The following USP37 variants were observed in gnomAD, a reference collection of about 807,000 sequenced individuals.
USP37 encodes ubiquitin carboxyl-terminal hydrolase 37.
A neutral mutation model predicts 124.0 loss-of-function variants in USP37; 27 were observed. The observed-to-expected ratio is 0.22, with a 90% CI of 0.16 to 0.30. The LOEUF is 0.30. USP37 is among the 10% of genes least tolerant of loss of function. The pLI is 1.00. For missense variants in USP37, 889 were observed against 1,140.4 expected, an observed-to-expected ratio of 0.78 and a Z score of 3.17; for synonymous variants, 365 against 388.0, an observed-to-expected ratio of 0.94 and a Z score of 0.70.
intron 10 of USP37, among the ~76,000 whole-genome samples, chr2:218,510,535 CTAGTT>C (rs1689921545): frequency 6.6e-6 from 1 of 152,160 alleles, no homozygotes; most frequent in Non-Finnish European, 1.5e-5. Context: ...AGAAATTCCT[CTAGTT>C]TATATGCATA....
intron 15 of USP37, among the ~76,000 whole-genome samples, chr2:218,487,115 C>T (rs1368773056): frequency 1.3e-5 from 2 of 152,118 alleles, no homozygotes; most frequent in Non-Finnish European, 2.9e-5. Context: ...AAGGGGGAAT[C>T]GATTCTTGCA....
In USP37 at chr2:218,547,088, A is replaced by T. The variant is rs1166169910; in HGVS notation, c.433T>A (p.Ser145Thr). Residue 145 changes from serine (S) to threonine (T), a missense_variant, in exon 7 of 26, where the codon TCT becomes ACT. Physicochemically the swap from Ser to Thr is moderately conservative, Grantham distance 58. Around this residue, in one of 3 missense-constraint regions of USP37, gnomAD observed 374 missense variants for 386.0 expected, o/e 0.97. Transcript: ENST00000258399. ...GTTTCCAAACTTCCTCTTTTTGCAG[A>T]AGCCTGTAAAAATAAAGTTTGAGAT... ...RQLSYSDNQA[S>T]AKRGSLETKD... 1 of 1,588,954 alleles carries T rather than the reference A, an allele frequency of 6.3e-7. No homozygotes were observed.
chr2:218,501,011 T>C (rs138794220), intron 11 of USP37: 1 of 162,234 alleles, frequency 6.2e-6, no homozygotes. Flanking sequence ...GGGTGACAGA[T>C]GTCACAGTCA....
chr2:218,464,057 C>T (rs1212970419), intron 21 of USP37, among the ~76,000 whole-genome samples: 2 of 151,618 alleles, frequency 1.3e-5, no homozygotes, highest in Non-Finnish European at 2.9e-5. Flanking sequence ...TGGGGTTTCA[C>T]CATGTTGGCC....
intron 2 of USP37, 68 bp from the exon 3 acceptor site, chr2:218,560,951 CTAT>C (rs1357860322): frequency 6.6e-6 from 1 of 152,114 alleles, no homozygotes; most frequent in Non-Finnish European, 1.5e-5. Context: ...CATAAGTACT[CTAT>C]TATTATTCAC....
At chr2:218,529,906 A>G (rs760380530) in intron 10 of USP37, 50 bp downstream of exon 10, 8 of 1,369,868 alleles carry the variant, frequency 5.8e-6, no homozygotes, top group African/African-American at 1.5e-5. Flanking sequence ...CAATATTCTG[A>G]AAAAAAAAGA....
At chr2:218,507,769 G>C (rs1689759061) in intron 11 of USP37, among the ~76,000 whole-genome samples, 1 of 152,014 alleles carries the variant, frequency 6.6e-6, no homozygotes, top group Admixed American at 6.6e-5. Context: ...TTCTTCTCTT[G>C]CTTCTAAATC....
chr2:218,476,160 G>GT (rs762632314), intron 19 of USP37, among the ~76,000 whole-genome samples: 12 of 152,222 alleles, frequency 7.9e-5, no homozygotes, highest in Non-Finnish European at 1.6e-4. Context: ...GATCTTCAAA[G>GT]TATTAACTAT....
chr2:218,504,136 G>GT (rs1274369313), intron 11 of USP37, among the ~76,000 whole-genome samples: 1 of 152,088 alleles, frequency 6.6e-6, no homozygotes, highest in African/African-American at 2.4e-5. Flanking sequence ...AATACATAAA[G>GT]TAAAAACTGA....
chr2:218,454,944 G>A lies in USP37; in HGVS notation c.2926C>T (p.Arg976Cys), dbSNP rs754857359. 1.5e-5 allele frequency: 24 copies of A among 1,613,926 alleles called. No individual in the cohort carries two copies. Among genetic ancestry groups the A allele is most frequent in the South Asian group, 2.2e-5 (2 of 91,082 alleles). The change falls in exon 26 of 26, where the codon CGT becomes TGT. Residue 976 changes from arginine (R) to cysteine (C), a missense_variant. This residue lies in a region of USP37 where 504 missense variants were observed against 714.3 expected (regional missense o/e 0.71). Transcript: ENST00000258399. ...GAGTTTGTTCCTCACAAGGCCTGAC[G>A]GGTAGTCTTCCCCACTTCCGTGCTA... ...SLSTEVGKTT[R>C]QAL
chr2:218,520,682 T>TGG (rs1690561677), intron 10 of USP37, among the ~76,000 whole-genome samples: 1 of 152,214 alleles, frequency 6.6e-6, no homozygotes, highest in Non-Finnish European at 1.5e-5. Context: ...AAAGTGTTAT[T>TGG]CCCAGTTTAT....
chr2:218,490,290 G>A (rs933618480), intron 14 of USP37, among the ~76,000 whole-genome samples: 13 of 152,264 alleles, frequency 8.5e-5, no homozygotes, highest in African/African-American at 2.4e-4. Flanking sequence ...GAAGTGAGCC[G>A]AGATCGCACT....
At chr2:218,469,916 GT>G (rs1320250686) in intron 20 of USP37, among the ~76,000 whole-genome samples, 1 of 147,552 alleles carries the variant, frequency 6.8e-6, no homozygotes, top group Non-Finnish European at 1.5e-5. Context: ...TGCCTCCCGG[GT>G]TCTTGCCATT....
At chr2:218,488,240 A>G (rs1204776043) in intron 15 of USP37, 64 bp downstream of exon 15, 5 of 1,100,732 alleles carry the variant, frequency 4.5e-6, no homozygotes, top group Non-Finnish European at 6.5e-6. Flanking sequence ...AACTTCAAAT[A>G]TTCAAATACA....
intron 19 of USP37, 79 bp from the exon 20 acceptor site, chr2:218,474,964 C>G (rs1288488320): frequency 4.2e-6 from 6 of 1,437,692 alleles, no homozygotes; most frequent in Non-Finnish European, 5.5e-6. Context: ...AAAGTAGCAA[C>G]TTTATTTCTA....
chr2:218,552,409 A>AT (rs1187959378), intron 5 of USP37, among the ~76,000 whole-genome samples: 2 of 152,096 alleles, frequency 1.3e-5, no homozygotes, highest in East Asian at 1.9e-4. Flanking sequence ...TTAAGCAGAG[A>AT]TTTTTTCCTA....
At chr2:218,468,380 T>A (rs781624864) in intron 20 of USP37, among the ~76,000 whole-genome samples, 1 of 150,492 alleles carries the variant, frequency 6.6e-6, no homozygotes, top group South Asian at 2.1e-4. Flanking sequence ...TGCACCACCA[T>A]GCCCAGCTAA....
intron 8 of USP37, among the ~76,000 whole-genome samples, chr2:218,538,418 G>C (rs1291941503): frequency 3.3e-5 from 5 of 152,178 alleles, no homozygotes; most frequent in Non-Finnish European, 7.3e-5. Flanking sequence ...CAGACTTATG[G>C]GAGTATGTAC....
In USP37 at chr2:218,496,048, C is replaced by T. The variant is rs1351410252; in HGVS notation, c.1282-98G>A. On this transcript the variant is annotated intron_variant, in intron 13 of 25. Coordinates refer to ENST00000258399, the MANE Select transcript of USP37 (RefSeq NM_020935.3). Reference sequence around the variant, plus strand: ...GTGCCTCATACCTGTAATTCCAGCACTCTGGAAGGCTGAGGCAGGCGGATC... The same window carrying T: ...GTGCCTCATACCTGTAATTCCAGCATTCTGGAAGGCTGAGGCAGGCGGATC... 2.5e-6 allele frequency: 3 copies of T among 1,219,010 alleles called. No individual in the cohort carries two copies. The African/African-American group carries it at 4.6e-5, about 19-fold the overall frequency. The allele number at this position is 1,219,010 out of a possible 1,614,324, so 75.5% of individuals were successfully genotyped here.
Sources: gnomAD v4.1 joint callset for allele counts (sites outside exome capture counted in the v4.1 genomes callset) on GRCh38, gnomAD v4.1.1 for gene constraint, gnomAD v4.1.1 regional missense constraint, MANE v1.5 for transcripts, NCBI Gene and HGNC (gene_info 2026-07-23, HGNC 2026-07-21) for gene names.